The following CNTN5 variants were observed in gnomAD, a reference collection of about 807,000 sequenced individuals.
CNTN5 encodes the protein contactin-5.
In CNTN5, 77 loss-of-function variants were observed where a neutral mutation model predicts 129.1. That is an observed-to-expected ratio of 0.60 (90% CI 0.50 to 0.72). The LOEUF is 0.72. Among genes scored for constraint, CNTN5 ranks in the 30% least tolerant of loss-of-function variants. The probability of loss-of-function intolerance (pLI) is 0.00; values close to 1 mark genes in which losing one functional copy is unlikely to be tolerated. For missense variants in CNTN5, 1,478 were observed against 1,328.8 expected (o/e 1.11, Z -1.75); for synonymous variants, 509 against 465.6 (o/e 1.09, Z -1.20).
At position 99,553,979 on chromosome 11, in the gene CNTN5, C is replaced by CACACACACACACACACAT. The variant is rs1555025632; in HGVS notation, c.-70-2151_-70-2134dup. Reference sequence around the variant, plus strand: ...TTGAAAATGAATACACACACACACACACACACACACACACACATACACACA... The same window carrying CACACACACACACACACAT: ...TTGAAAATGAATACACACACACACACACACACACACACACACATACACACACACACACACATACACACA... On this transcript the variant is annotated intron_variant, in intron 2 of 24. Transcript: ENST00000524871. Among the ~76,000 whole-genome samples, 189 of 145,588 alleles carry CACACACACACACACACAT rather than the reference C, an allele frequency of 1.3e-3. 2 individuals carry two copies. Among genetic ancestry groups the CACACACACACACACACAT allele is most frequent in the South Asian group, 6.1e-3 (27 of 4,420 alleles).
chr11:100,023,423 C>G (rs1440986093), intron 9 of CNTN5, among the ~76,000 whole-genome samples: 1 of 151,972 alleles, frequency 6.6e-6, no homozygotes, highest in Non-Finnish European at 1.5e-5. Flanking sequence ...TCCTGTCTGC[C>G]CCTACACATT....
chr11:99,480,578 T>C (rs545971281), intron 2 of CNTN5, among the ~76,000 whole-genome samples: 1 of 152,362 alleles, frequency 6.6e-6, no homozygotes, highest in African/African-American at 2.4e-5. Context: ...TCTTGAATGT[T>C]TGCATATTCT....
intron 1 of CNTN5, among the ~76,000 whole-genome samples, chr11:99,085,185 C>T (rs1057418104): frequency 6.6e-6 from 1 of 151,910 alleles, no homozygotes; most frequent in Non-Finnish European, 1.5e-5. Context: ...GCTGGGAGTA[C>T]AGGCAGGTAC....
At position 99,318,991 on chromosome 11, in the gene CNTN5, A is replaced by G. The variant is rs529528250; in HGVS notation, c.-209-6355A>G. 4.6e-5 allele frequency among the ~76,000 whole-genome samples: 7 copies of G among 152,338 alleles called. 1 individual carries two copies. The East Asian group carries it at 1.4e-3, about 29-fold the overall frequency. On this transcript the variant is annotated intron_variant, in intron 1 of 24. Transcript: ENST00000524871. ...GTCCATTTAGAGATGACAGAATTTT[A>G]TATTCTGTTTATAGAAAAGGTGAAT...
intron 3 of CNTN5, among the ~76,000 whole-genome samples, chr11:99,752,062 G>GAA (rs5794018): frequency 3.4e-4 from 51 of 149,394 alleles, no homozygotes; most frequent in East Asian, 5.9e-4. Context: ...AGAACTGTAA[G>GAA]AAAAAAAAAA....
chr11:99,645,932 A>C (rs1218307065), intron 3 of CNTN5, among the ~76,000 whole-genome samples: 1 of 152,164 alleles, frequency 6.6e-6, no homozygotes, highest in Non-Finnish European at 1.5e-5. Context: ...GTATCCCATA[A>C]CTTAAAGTAT....
rs147496713 is a variant in CNTN5 at position 99,822,850 on chromosome 11, A to G, written c.277+3085A>G. The stretch of plus-strand genomic sequence containing the variant: ...AATAGATTATAAATAAAGTAATGGG[A>G]TATGACTCCCAACAATGGGTTACAA... On this transcript the variant is annotated intron_variant, in intron 4 of 24. Transcript: ENST00000524871. 1.2e-3 allele frequency among the ~76,000 whole-genome samples: 179 copies of G among 152,334 alleles called. 1 individual carries two copies. The highest frequency in any genetic ancestry group is 4.0e-3 in the African/African-American group (166 of 41,582).
At chr11:100,021,425 A>G (rs570605870) in intron 9 of CNTN5, among the ~76,000 whole-genome samples, 1 of 152,268 alleles carries the variant, frequency 6.6e-6, no homozygotes, top group African/African-American at 2.4e-5. Context: ...ATTTTCTAAT[A>G]TATTTGTAGA....
intron 3 of CNTN5, among the ~76,000 whole-genome samples, chr11:99,757,443 T>C (rs2135258732): frequency 6.6e-6 from 1 of 152,184 alleles, no homozygotes; most frequent in South Asian, 2.1e-4. Context: ...TGCCCCACTC[T>C]AATTATAACT....
At chr11:100,312,693 T>C (rs1413570380) in intron 21 of CNTN5, among the ~76,000 whole-genome samples, 2 of 152,076 alleles carry the variant, frequency 1.3e-5, no homozygotes, top group African/African-American at 4.8e-5. Flanking sequence ...TATGTACTTA[T>C]AATATCAGTC....
At chr11:99,042,158 A>C (rs1290985680) in intron 1 of CNTN5, among the ~76,000 whole-genome samples, 2 of 152,084 alleles carry the variant, frequency 1.3e-5, no homozygotes, top group Non-Finnish European at 2.9e-5. Flanking sequence ...TGTCCCTTCC[A>C]CAGCATACCT....
chr11:99,142,309 G>A (rs1339823222), intron 1 of CNTN5, among the ~76,000 whole-genome samples: 2 of 25,564 alleles, frequency 7.8e-5, no homozygotes, highest in African/African-American at 9.7e-4. Context: ...TGAGCTTGTG[G>A]TGGCGAGGTC....
intron 1 of CNTN5, among the ~76,000 whole-genome samples, chr11:99,133,615 C>CAAAAAAAAAAAAAAAAAAAAAA (rs566769880): frequency 9.4e-6 from 1 of 106,008 alleles, no homozygotes; most frequent in Non-Finnish European, 1.9e-5. Context: ...AGACACTTCT[C>CAAAAAAAAAAAAAAAAAAAAAA]AAGAAAAAAA....
intron 3 of CNTN5, among the ~76,000 whole-genome samples, chr11:99,616,992 T>A (rs1349021292): frequency 6.6e-6 from 1 of 152,136 alleles, no homozygotes; most frequent in African/African-American, 2.4e-5. Context: ...GTGCCTGTAA[T>A]CCCAGCTACT....
At chr11:99,631,323 C>T (rs936295352) in intron 3 of CNTN5, among the ~76,000 whole-genome samples, 1 of 151,928 alleles carries the variant, frequency 6.6e-6, no homozygotes, top group Non-Finnish European at 1.5e-5. Context: ...ATATAATGAG[C>T]CATTTATGTA....
chr11:100,184,327 G>A (rs1948230819), intron 13 of CNTN5, among the ~76,000 whole-genome samples: 1 of 152,140 alleles, frequency 6.6e-6, no homozygotes, highest in African/African-American at 2.4e-5. Flanking sequence ...ACATAGAGTA[G>A]TCAGTGTCAG....
chr11:100,145,940 T>C (rs1035436218), intron 13 of CNTN5, among the ~76,000 whole-genome samples: 2 of 152,192 alleles, frequency 1.3e-5, no homozygotes, highest in Non-Finnish European at 2.9e-5. Context: ...CTCATTAAAT[T>C]ATTCACCAGT....
chr11:99,356,150 A>G (rs1326840229), intron 2 of CNTN5, among the ~76,000 whole-genome samples: 1 of 151,608 alleles, frequency 6.6e-6, no homozygotes. Flanking sequence ...TATAATTCCA[A>G]TACGGACATT....
intron 4 of CNTN5, among the ~76,000 whole-genome samples, chr11:99,821,055 T>G (rs1946785764): frequency 6.6e-6 from 1 of 152,218 alleles, no homozygotes; most frequent in Non-Finnish European, 1.5e-5. Context: ...GTACTTACAT[T>G]TAATATAAGT....
Sources: gnomAD v4.1 joint callset for allele counts (sites outside exome capture counted in the v4.1 genomes callset) on GRCh38, gnomAD v4.1.1 for gene constraint, MANE v1.5 for transcripts, NCBI Gene and HGNC (gene_info 2026-07-23, HGNC 2026-07-21) for gene names.